Variants in CFAP74 observed in about 807,000 individuals in gnomAD.
CFAP74 encodes cilia- and flagella-associated protein 74.
A neutral mutation model predicts 188.9 loss-of-function variants in CFAP74; 124 were observed. The observed-to-expected ratio is 0.66, with a 90% confidence interval of 0.57 to 0.76. CFAP74 has a LOEUF of 0.76. CFAP74 is among the 30% of genes least tolerant of loss of function. The pLI is 0.00. For synonymous variants in CFAP74, 956 were observed against 916.7 expected, an observed-to-expected ratio of 1.04 and a Z score of -0.77; for missense variants, 2,198 against 2,165.2, an observed-to-expected ratio of 1.02 and a Z score of -0.30.
At position 1,993,906 on chromosome 1, in the gene CFAP74, C is replaced by T. The variant is rs1428350395; in HGVS notation, c.-19-2931G>A. ...CTGAGGCAGGAGAATGGCGTGAACC[C>T]GGGAGGCGGAGCTTGCAGTGAGCCG... On this transcript the variant is annotated intron_variant, in intron 1 of 38. Coordinates refer to ENST00000682832, the MANE Select transcript of CFAP74 (RefSeq NM_001304360.2). 3.4e-4 allele frequency among the ~76,000 whole-genome samples: 51 copies of T among 150,536 alleles called. 1 individual carries two copies. Among genetic ancestry groups the T allele is most frequent in the South Asian group, 2.3e-3 (11 of 4,746 alleles).
chr1:2,002,888 A>G (rs1248813080), intron 1 of CFAP74, among the ~76,000 whole-genome samples: 2 of 150,954 alleles, frequency 1.3e-5, no homozygotes, highest in African/African-American at 4.8e-5. Flanking sequence ...ACACATGCAT[A>G]GGTAGTAAAA....
intron 2 of CFAP74, among the ~76,000 whole-genome samples, chr1:1,989,643 T>C (rs1177902997): frequency 1.3e-5 from 2 of 152,168 alleles, no homozygotes; most frequent in Non-Finnish European, 2.9e-5. Context: ...ATATTTTTAG[T>C]AGAGAGAGGG....
intron 18 of CFAP74, chr1:1,955,062 C>CGGCTCACACCGGAAGTGT: frequency 5.2e-6 from 2 of 386,182 alleles, no homozygotes; most frequent in Non-Finnish European, 6.4e-6. Flanking sequence ...ACCGGAAGTG[C>CGGCTCACACCGGAAGTGT]GGCTCACACC....
At chr1:1,987,557 T>TC (rs1367889568) in intron 4 of CFAP74, among the ~76,000 whole-genome samples, 18 of 151,028 alleles carry the variant, frequency 1.2e-4, no homozygotes, top group Non-Finnish European at 2.2e-4. Context: ...CTTTTTTTTT[T>TC]CCCGAGACAG....
chr1:1,982,738 C>T (rs754837867), intron 6 of CFAP74, among the ~76,000 whole-genome samples: 3 of 152,152 alleles, frequency 2.0e-5, no homozygotes, highest in Non-Finnish European at 2.9e-5. Flanking sequence ...GGGCCGCCTG[C>T]GGGTAGGGAT....
In CFAP74 at chr1:1,935,376, G is replaced by T. The variant is rs1398509600; in HGVS notation, c.3011+3479C>A. ...TGTAGGTACACACGTGTGTATGTGG[G>T]TGTTAGGTTATAGGTACACACGTCT... On this transcript the variant is annotated intron_variant, in intron 25 of 38. Transcript: ENST00000682832. Among the ~76,000 whole-genome samples, 4 of 93,826 alleles carry T rather than the reference G, an allele frequency of 4.3e-5. 1 individual carries two copies. Among genetic ancestry groups the T allele is most frequent in the African/African-American group, 1.5e-4 (4 of 26,224 alleles). 61.6% of individuals were successfully genotyped at this position (93,826 alleles called of 152,430 possible). A position where few individuals can be genotyped will look rare whatever the true frequency, so the allele number is the denominator to read the frequency against.
At chr1:1,946,907 T>G (rs1653811473) in intron 19 of CFAP74, 83 bp downstream of exon 19, 3 of 1,086,554 alleles carry the variant, frequency 2.8e-6, no homozygotes, top group Admixed American at 2.0e-5. Context: ...TGAGGGCCAG[T>G]GGGTTGGGGT....
intron 33 of CFAP74, among the ~76,000 whole-genome samples, chr1:1,924,985 C>T (rs1243440504): frequency 6.6e-6 from 1 of 152,032 alleles, no homozygotes; most frequent in African/African-American, 2.4e-5. Flanking sequence ...CATGAGGGCA[C>T]ACGCTGGTGC....
At chr1:1,948,429 T>TATATATATA in intron 18 of CFAP74, among the ~76,000 whole-genome samples, 2 of 89,386 alleles carry the variant, frequency 2.2e-5, no homozygotes, top group African/African-American at 9.8e-5. Flanking sequence ...ATATATATAT[T>TATATATATA]TATGTGTATA....
At chr1:1,945,842 A>AAAAG (rs1653719125) in intron 20 of CFAP74, among the ~76,000 whole-genome samples, 1 of 144,026 alleles carries the variant, frequency 6.9e-6, no homozygotes, top group East Asian at 2.1e-4. Flanking sequence ...AAAAAAAAAA[A>AAAAG]AAAGAACAAA....
intron 16 of CFAP74, among the ~76,000 whole-genome samples, chr1:1,957,930 A>G (rs939317168): frequency 5.3e-5 from 8 of 152,192 alleles, no homozygotes; most frequent in African/African-American, 1.9e-4. Flanking sequence ...GTGCCCTAGG[A>G]CGGCAGTGGT....
intron 28 of CFAP74, 167 bp from the exon 29 acceptor site, chr1:1,927,195 T>TGG: frequency 1.3e-6 from 1 of 744,928 alleles, no homozygotes. Flanking sequence ...CTGGCTCCTG[T>TGG]GGGGGTCTCA....
intron 14 of CFAP74, among the ~76,000 whole-genome samples, chr1:1,961,862 T>A (rs1196675767): frequency 2.6e-5 from 4 of 152,054 alleles, no homozygotes; most frequent in Non-Finnish European, 5.9e-5. Flanking sequence ...CATCACAGCC[T>A]CCACAAGAAA....
chr1:1,955,191 G>GCT, intron 18 of CFAP74: 8 of 1,288,742 alleles, frequency 6.2e-6, no homozygotes, highest in Non-Finnish European at 8.1e-6. Flanking sequence ...TCTGGATCTC[G>GCT]ATGCGTATGT....
intron 20 of CFAP74, among the ~76,000 whole-genome samples, chr1:1,945,842 A>AAAAGACC (rs1653718952): frequency 6.9e-6 from 1 of 144,026 alleles, no homozygotes; most frequent in Non-Finnish European, 1.5e-5. Flanking sequence ...AAAAAAAAAA[A>AAAAGACC]AAAGAACAAA....
chr1:1,925,112 G>A lies in CFAP74; in HGVS notation c.4105-592C>T, dbSNP rs35174971. 8.3e-3 allele frequency among the ~76,000 whole-genome samples: 1,249 copies of A among 151,178 alleles called. 17 individuals are homozygous for A. Among genetic ancestry groups the A allele is most frequent in the African/African-American group, 0.029 (1,179 of 41,000 alleles). On this transcript the variant is annotated intron_variant, in intron 33 of 38. Coordinates refer to ENST00000682832, the MANE Select transcript of CFAP74 (RefSeq NM_001304360.2). ...CACACACTGGTGCGAAGGCATGAGG[G>A]CACACGCTGGTGCGAAGGCATGAGG...
intron 10 of CFAP74, 124 bp downstream of exon 10, chr1:1,970,535 G>T: frequency 1.8e-6 from 2 of 1,119,360 alleles, no homozygotes; most frequent in Non-Finnish European, 2.5e-6. Flanking sequence ...CCCCACAGCC[G>T]CCTGAGTGGG....
At chr1:1,960,104 C>A (rs764781524) in intron 14 of CFAP74, 74 bp from the exon 15 acceptor site, 12 of 1,346,860 alleles carry the variant, frequency 8.9e-6, no homozygotes, top group Admixed American at 7.9e-5. Context: ...ACCCAGAGCA[C>A]AGTCAGGCTG....
chr1:1,985,940 C>A lies in CFAP74; in HGVS notation c.396-450G>T, dbSNP rs971216620. On this transcript the variant is annotated intron_variant, in intron 5 of 38. Coordinates refer to ENST00000682832, the MANE Select transcript of CFAP74 (RefSeq NM_001304360.2). ...ACGTTCCTAGAGACCACTTCCCGGGCGGTGGGCGGTTGCCCACGAGAGCGG... is the reference window on the plus strand; with the variant it reads ...ACGTTCCTAGAGACCACTTCCCGGGAGGTGGGCGGTTGCCCACGAGAGCGG... Among the ~76,000 whole-genome samples the A allele has an allele frequency of 2.0e-5, 3 of 152,232 alleles. 1 individual carries two copies. The highest frequency in any genetic ancestry group is 7.2e-5 in the African/African-American group (3 of 41,460).
Sources: allele counts gnomAD v4.1 joint callset (sites outside exome capture counted in the v4.1 genomes callset), GRCh38; gene constraint gnomAD v4.1.1; transcripts MANE v1.5; gene names NCBI Gene and HGNC (gene_info 2026-07-23, HGNC 2026-07-21).